Variants in PHF24 observed in about 807,000 individuals in gnomAD.
PHF24 encodes the protein PHD finger protein 24, also known as Galpha inhibitory interacting protein.
PHF24 carries 25 observed loss-of-function variants against 42.6 expected under a neutral mutation model. That is an observed-to-expected ratio of 0.59 (90% CI 0.43 to 0.82). The LOEUF (loss-of-function observed/expected upper bound fraction) is 0.82, where lower values mean the gene tolerates loss of function less well. Among genes scored for constraint, PHF24 ranks in the 40% least tolerant of loss-of-function variants. The pLI, the probability that PHF24 is intolerant of heterozygous loss-of-function variation, is 0.00. For missense variants in PHF24, 470 were observed against 538.1 expected, an observed-to-expected ratio of 0.87 and a Z score of 1.25; for synonymous variants, 185 against 204.8, an observed-to-expected ratio of 0.90 and a Z score of 0.83.
the PHF24 span, chr9:34,681,284 G>A: frequency 6.6e-6 from 1 of 152,296 alleles, no homozygotes; most frequent in Non-Finnish European, 1.5e-5. Context: ...TGTTATTACA[G>A]CATTACCTAG....
chr9:34,930,297 G>C, the PHF24 span, among the ~76,000 whole-genome samples: 3 of 152,178 alleles, frequency 2.0e-5, no homozygotes, highest in Non-Finnish European at 4.4e-5. Context: ...GAGAAGGAAC[G>C]TGAGATAAGA....
chr9:34,844,002 A>G, the PHF24 span, among the ~76,000 whole-genome samples: 4 of 152,068 alleles, frequency 2.6e-5, no homozygotes, highest in African/African-American at 7.2e-5. Flanking sequence ...CAGATTTTCT[A>G]TTTCTTCATG....
At chr9:34,771,265 C>T in the PHF24 span, among the ~76,000 whole-genome samples, 79 of 152,340 alleles carry the variant, frequency 5.2e-4, no homozygotes, top group Admixed American at 1.3e-3. Flanking sequence ...GTATAGCCTA[C>T]TACATGCTGA....
chr9:34,854,059 G>A, the PHF24 span, among the ~76,000 whole-genome samples: 1 of 151,968 alleles, frequency 6.6e-6, no homozygotes. Context: ...TCTAGTTTAT[G>A]TGCATAGAGG....
At chr9:34,935,607 A>AAAG in the PHF24 span, among the ~76,000 whole-genome samples, 80 of 150,824 alleles carry the variant, frequency 5.3e-4, no homozygotes, top group African/African-American at 4.4e-4. Flanking sequence ...AAAAAAAAAA[A>AAAG]AGAGAGAGAA....
the PHF24 span, among the ~76,000 whole-genome samples, chr9:34,737,633 T>A: frequency 2.0e-5 from 3 of 152,236 alleles, no homozygotes; most frequent in East Asian, 5.8e-4. Context: ...CCATAGTAAC[T>A]GCACCATTTT....
At chr9:34,930,148 A>G in the PHF24 span, among the ~76,000 whole-genome samples, 2 of 152,168 alleles carry the variant, frequency 1.3e-5, no homozygotes, top group Non-Finnish European at 2.9e-5. Flanking sequence ...GCTTCATCCA[A>G]GCCTGAAGTT....
At chr9:34,895,890 C>A in the PHF24 span, 1 of 394,776 alleles carries the variant, frequency 2.5e-6, no homozygotes, top group Non-Finnish European at 4.5e-6. Context: ...CATCACAGAC[C>A]TTTATTTGTT....
At chr9:34,732,494 C>T in the PHF24 span, among the ~76,000 whole-genome samples, 1 of 151,814 alleles carries the variant, frequency 6.6e-6, no homozygotes, top group African/African-American at 2.4e-5. Flanking sequence ...GTTTGAGCTC[C>T]TTATATGTTC....
chr9:34,931,233 G>A, the PHF24 span, among the ~76,000 whole-genome samples: 2 of 151,924 alleles, frequency 1.3e-5, no homozygotes, highest in East Asian at 3.9e-4. Flanking sequence ...AAAATTAGCC[G>A]GGCATGGTGG....
chr9:34,765,627 A>G, the PHF24 span, among the ~76,000 whole-genome samples: 1 of 148,780 alleles, frequency 6.7e-6, no homozygotes, highest in South Asian at 2.2e-4. Flanking sequence ...TGAATACAGC[A>G]CACTGATGGG....
At chr9:34,877,967 T>A in the PHF24 span, among the ~76,000 whole-genome samples, 3 of 152,176 alleles carry the variant, frequency 2.0e-5, no homozygotes, top group East Asian at 5.8e-4. Context: ...AGTATGATAC[T>A]GTAATGGTTG....
At chr9:34,814,702 G>A in the PHF24 span, among the ~76,000 whole-genome samples, 1 of 152,182 alleles carries the variant, frequency 6.6e-6, no homozygotes, top group Non-Finnish European at 1.5e-5. Context: ...AACAGTAGTA[G>A]GATAGTTTGT....
chr9:34,963,656 G>A (rs1826672812), intron 1 of PHF24, among the ~76,000 whole-genome samples: 1 of 152,212 alleles, frequency 6.6e-6, no homozygotes, highest in Non-Finnish European at 1.5e-5. Context: ...GTTGACTTTG[G>A]TAATACTGGC....
the PHF24 span, chr9:34,709,819 C>G: frequency 6.2e-7 from 1 of 1,614,200 alleles, no homozygotes; most frequent in East Asian, 2.2e-5. Context: ...TTCCTGCTTC[C>G]GGTAGCTGCG....
At chr9:34,922,585 C>A in the PHF24 span, 21 of 965,564 alleles carry the variant, frequency 2.2e-5, no homozygotes, top group Middle Eastern at 9.4e-4. Flanking sequence ...AATTTGCTCT[C>A]GCTTGTGAAG....
the PHF24 span, among the ~76,000 whole-genome samples, chr9:34,767,174 C>T: frequency 6.6e-6 from 1 of 152,234 alleles, no homozygotes; most frequent in Non-Finnish European, 1.5e-5. Flanking sequence ...CTTGAGGAGG[C>T]AGTCTGCCCG....
the PHF24 span, among the ~76,000 whole-genome samples, chr9:34,896,835 T>TA: frequency 1.8e-4 from 27 of 152,054 alleles, no homozygotes; most frequent in African/African-American, 6.0e-4. Context: ...CTTGCCCTGA[T>TA]AAAAGTGGTT....
the PHF24 span, among the ~76,000 whole-genome samples, chr9:34,704,624 A>T: frequency 6.6e-6 from 1 of 152,166 alleles, no homozygotes; most frequent in Non-Finnish European, 1.5e-5. Context: ...CCTTGAGCTC[A>T]GGAGTTTTAA....
Sources: gnomAD v4.1 joint callset for allele counts (sites outside exome capture counted in the v4.1 genomes callset) on GRCh38, gnomAD v4.1.1 for gene constraint, MANE v1.5 for transcripts, NCBI Gene and HGNC (gene_info 2026-07-23, HGNC 2026-07-21) for gene names.